Variants in WWOX observed in about 807,000 individuals in gnomAD.
The protein encoded by WWOX is WW domain containing oxidoreductase.
WWOX carries 69 observed loss-of-function variants against 46.2 expected under a neutral mutation model. That is an observed-to-expected ratio of 1.49 (90% CI 1.23 to 1.82). The LOEUF is 1.82. WWOX is among the 40% of genes most tolerant of loss of function. The pLI is 0.00. For missense variants in WWOX, 919 were observed against 542.6 expected, an observed-to-expected ratio of 1.69 and a Z score of -6.89; for synonymous variants, 359 against 202.6, an observed-to-expected ratio of 1.77 and a Z score of -6.56.
At chr16:79,186,095 C>T (rs1468239123) in intron 8 of WWOX, among the ~76,000 whole-genome samples, 1 of 152,040 alleles carries the variant, frequency 6.6e-6, no homozygotes, top group Non-Finnish European at 1.5e-5. Context: ...CTGCCTGTGG[C>T]TGTGGGCCTC....
intron 8 of WWOX, among the ~76,000 whole-genome samples, chr16:78,736,276 C>G (rs1471173457): frequency 6.6e-6 from 1 of 152,180 alleles, no homozygotes; most frequent in Non-Finnish European, 1.5e-5. Flanking sequence ...TCGTGTCGGA[C>G]AGTCATAGGC....
At chr16:79,113,842 C>T (rs1243745815) in intron 8 of WWOX, among the ~76,000 whole-genome samples, 1 of 152,226 alleles carries the variant, frequency 6.6e-6, no homozygotes, top group African/African-American at 2.4e-5. Flanking sequence ...GCTAGACCCC[C>T]TTAATGACAA....
chr16:79,012,671 C>A (rs1373787010), intron 8 of WWOX, among the ~76,000 whole-genome samples: 1 of 152,142 alleles, frequency 6.6e-6, no homozygotes, highest in Non-Finnish European at 1.5e-5. Context: ...AACAAATATC[C>A]AGGCAGAATG....
intron 8 of WWOX, among the ~76,000 whole-genome samples, chr16:78,880,994 T>C (rs1247624637): frequency 5.0e-5 from 2 of 39,926 alleles, no homozygotes; most frequent in East Asian, 1.3e-3. Flanking sequence ...TTTTTTTTCT[T>C]TTTTTTTTTT....
intron 8 of WWOX, among the ~76,000 whole-genome samples, chr16:78,872,561 T>G (rs1189207981): frequency 6.6e-6 from 1 of 152,144 alleles, no homozygotes; most frequent in East Asian, 1.9e-4. Context: ...ATTTCTTTGT[T>G]TTAAAAATAA....
At chr16:78,762,752 C>A (rs910660206) in intron 8 of WWOX, among the ~76,000 whole-genome samples, 4 of 152,136 alleles carry the variant, frequency 2.6e-5, no homozygotes, top group African/African-American at 9.7e-5. Context: ...CTACTACATC[C>A]CAGCTGTGTA....
At chr16:78,169,937 C>T (rs888759996) in intron 5 of WWOX, among the ~76,000 whole-genome samples, 1 of 152,046 alleles carries the variant, frequency 6.6e-6, no homozygotes. Context: ...GCGAGGGGCC[C>T]AATAAGTGTT....
At chr16:78,693,921 A>C (rs959079222) in intron 8 of WWOX, among the ~76,000 whole-genome samples, 8 of 152,182 alleles carry the variant, frequency 5.3e-5, no homozygotes, top group African/African-American at 1.9e-4. Flanking sequence ...CATTACAGAA[A>C]AAAAATCAAG....
intron 8 of WWOX, among the ~76,000 whole-genome samples, chr16:78,957,745 C>T (rs1192509773): frequency 6.6e-6 from 1 of 152,214 alleles, no homozygotes; most frequent in Non-Finnish European, 1.5e-5. Context: ...CTTTGGCAAA[C>T]ACCATAGGAA....
intron 8 of WWOX, among the ~76,000 whole-genome samples, chr16:78,716,239 C>G (rs2048557966): frequency 6.6e-6 from 1 of 151,870 alleles, no homozygotes; most frequent in Non-Finnish European, 1.5e-5. Context: ...TGAAATTGTG[C>G]TATCATGAAC....
At chr16:78,147,279 A>G (rs1343087055) in intron 4 of WWOX, among the ~76,000 whole-genome samples, 2 of 151,692 alleles carry the variant, frequency 1.3e-5, no homozygotes, top group Non-Finnish European at 2.9e-5. Flanking sequence ...TCTTTTTTGT[A>G]TGTTTGAGTA....
At chr16:78,655,471 G>A (rs1041707506) in intron 8 of WWOX, among the ~76,000 whole-genome samples, 2 of 152,274 alleles carry the variant, frequency 1.3e-5, no homozygotes, top group African/African-American at 2.4e-5. Context: ...ATCTGAGTGT[G>A]CAGCCTTTTG....
chr16:78,479,116 GA>G (rs11407348), intron 8 of WWOX, among the ~76,000 whole-genome samples: 8 of 150,628 alleles, frequency 5.3e-5, no homozygotes, highest in Admixed American at 1.3e-4. Flanking sequence ...TTTGGAAAAG[GA>G]AAAAAAAATA....
chr16:79,131,417 A>T (rs2049876053), intron 8 of WWOX, among the ~76,000 whole-genome samples: 2 of 152,144 alleles, frequency 1.3e-5, no homozygotes, highest in African/African-American at 2.4e-5. Flanking sequence ...AGGGAAAAAA[A>T]ATGTTGTTTG....
intron 5 of WWOX, among the ~76,000 whole-genome samples, chr16:78,319,707 G>A (rs935030184): frequency 2.0e-5 from 3 of 152,154 alleles, no homozygotes; most frequent in African/African-American, 7.2e-5. Flanking sequence ...ACATGCGTAG[G>A]TTCATTTAAC....
intron 8 of WWOX, among the ~76,000 whole-genome samples, chr16:78,964,363 G>A (rs946586125): frequency 3.3e-5 from 5 of 152,308 alleles, no homozygotes; most frequent in Admixed American, 1.3e-4. Flanking sequence ...TGAGGAGCTC[G>A]TTGGGAATTG....
At chr16:78,867,129 A>T (rs2044020919) in intron 8 of WWOX, among the ~76,000 whole-genome samples, 1 of 152,108 alleles carries the variant, frequency 6.6e-6, no homozygotes, top group Non-Finnish European at 1.5e-5. Flanking sequence ...GTTAATGATG[A>T]GAAGGGGTGG....
intron 8 of WWOX, among the ~76,000 whole-genome samples, chr16:78,439,959 C>T (rs1335652711): frequency 6.6e-6 from 1 of 152,178 alleles, no homozygotes; most frequent in African/African-American, 2.4e-5. Flanking sequence ...GAGCATTCTG[C>T]TTCAGAACTG....
chr16:78,278,493 A>T (rs1469639693), intron 5 of WWOX: 1 of 1,107,010 alleles, frequency 9.0e-7, no homozygotes, highest in Non-Finnish European at 1.3e-6. Flanking sequence ...AACCAGCTTG[A>T]ATTTGTTAAT....
Sources: allele counts gnomAD v4.1 joint callset (sites outside exome capture counted in the v4.1 genomes callset), GRCh38; gene constraint gnomAD v4.1.1; transcripts MANE v1.5; gene names NCBI Gene and HGNC (gene_info 2026-07-23, HGNC 2026-07-21).